Variants in SUCLG2 observed in about 807,000 individuals in gnomAD.
SUCLG2 encodes the protein succinate-CoA ligase GDP-forming subunit beta.
In SUCLG2, 42 loss-of-function variants were observed where a neutral mutation model predicts 47.9. The ratio of observed to expected loss-of-function variants is 0.88; its 90% CI spans 0.69 to 1.14. The LOEUF is 1.14. Ranked by LOEUF, SUCLG2 falls within the 50% of genes most tolerant of loss-of-function variation. The pLI, the probability that SUCLG2 is intolerant of heterozygous loss-of-function variation, is 0.00. For synonymous variants in SUCLG2, 195 were observed against 197.3 expected (o/e 0.99, Z 0.10); for missense variants, 571 against 525.9 (o/e 1.09, Z -0.84).
intron 9 of SUCLG2, among the ~76,000 whole-genome samples, chr3:67,487,517 CAA>C (rs1491405461): frequency 3.3e-5 from 5 of 151,490 alleles, no homozygotes; most frequent in Non-Finnish European, 5.9e-5. Flanking sequence ...CACACACACA[CAA>C]ACACACACAC....
intron 10 of SUCLG2, among the ~76,000 whole-genome samples, chr3:67,397,085 T>G (rs1417717552): frequency 2.6e-5 from 4 of 151,062 alleles, no homozygotes; most frequent in Non-Finnish European, 5.9e-5. Context: ...GGGCAAAAAC[T>G]GGAAGCATTC....
At chr3:67,460,424 T>C (rs1704303520) in intron 9 of SUCLG2, among the ~76,000 whole-genome samples, 1 of 152,216 alleles carries the variant, frequency 6.6e-6, no homozygotes, top group African/African-American at 2.4e-5. Context: ...CTCATCAATC[T>C]TCACATCAAC....
At chr3:67,477,424 G>C (rs1180595495) in intron 9 of SUCLG2, among the ~76,000 whole-genome samples, 1 of 152,188 alleles carries the variant, frequency 6.6e-6, no homozygotes, top group Admixed American at 6.5e-5. Context: ...GCTGGGTGTG[G>C]TTGCTCATGC....
chr3:67,593,867 T>C (rs1371938177), intron 2 of SUCLG2, among the ~76,000 whole-genome samples: 2 of 152,150 alleles, frequency 1.3e-5, no homozygotes, highest in African/African-American at 4.8e-5. Flanking sequence ...CCTGGATCCA[T>C]GCCATTTTCC....
At chr3:67,493,351 T>C (rs1296409827) in intron 9 of SUCLG2, among the ~76,000 whole-genome samples, 1 of 152,190 alleles carries the variant, frequency 6.6e-6, no homozygotes, top group Admixed American at 6.5e-5. Context: ...TGATATAGCA[T>C]GAGAAAAATA....
At chr3:67,637,779 G>A (rs536369174) in intron 1 of SUCLG2, among the ~76,000 whole-genome samples, 2 of 152,118 alleles carry the variant, frequency 1.3e-5, no homozygotes, top group South Asian at 4.1e-4. Context: ...TTCAGAAAGG[G>A]AGCATCCATG....
intron 2 of SUCLG2, among the ~76,000 whole-genome samples, chr3:67,531,328 ATT>A (rs1706398515): frequency 6.6e-6 from 1 of 152,148 alleles, no homozygotes; most frequent in Non-Finnish European, 1.5e-5. Flanking sequence ...TGCCATTATC[ATT>A]TTTCATATCC....
intron 2 of SUCLG2, among the ~76,000 whole-genome samples, chr3:67,593,395 A>C (rs17046689): frequency 0.058 from 8,786 of 151,480 alleles, 399 homozygotes; most frequent in African/African-American, 0.12. Context: ...GGTCTAACAC[A>C]TATAACACAT....
At chr3:67,561,017 A>C (rs1707294294) in intron 2 of SUCLG2, among the ~76,000 whole-genome samples, 2 of 147,984 alleles carry the variant, frequency 1.4e-5, no homozygotes, top group Admixed American at 6.9e-5. Context: ...GCAATTGTGT[A>C]CTTTGCTCAT....
intron 2 of SUCLG2, among the ~76,000 whole-genome samples, chr3:67,539,628 G>T (rs936450697): frequency 1.3e-5 from 2 of 152,160 alleles, no homozygotes; most frequent in Non-Finnish European, 2.9e-5. Context: ...AGTTTCAGAA[G>T]GAATGGTACC....
Position 67,375,373 on chromosome 3 carries a change from C to T in SUCLG2, c.*371G>A. On this transcript the variant is annotated 3_prime_UTR_variant, in exon 11 of 11. Transcript: ENST00000307227. ...TTTTAAATGGTCTGTTTTTCTTTTT[C>T]ATTATGTAGGATTAGATGCCCACCA... 1.0e-6 allele frequency: 1 copy of T among 988,934 alleles called. No homozygotes were observed. The highest frequency in any genetic ancestry group is 1.1e-4 in the East Asian group (1 of 9,050). 61.3% of individuals were successfully genotyped at this position (988,934 alleles called of 1,614,324 possible).
At chr3:67,539,590 G>A (rs1198059197) in intron 2 of SUCLG2, among the ~76,000 whole-genome samples, 8 of 152,274 alleles carry the variant, frequency 5.3e-5, no homozygotes, top group Non-Finnish European at 1.2e-4. Flanking sequence ...AGTTAGGGAC[G>A]AGTCCCTCCT....
chr3:67,568,522 A>G (rs946741303), intron 2 of SUCLG2, among the ~76,000 whole-genome samples: 5 of 152,218 alleles, frequency 3.3e-5, no homozygotes, highest in Non-Finnish European at 7.3e-5. Flanking sequence ...AAGCATAAGT[A>G]TTTTCTGAAC....
At chr3:67,523,310 T>C (rs148683004) in intron 4 of SUCLG2, among the ~76,000 whole-genome samples, 5,320 of 152,280 alleles carry the variant, frequency 0.035, 141 homozygotes, top group Middle Eastern at 0.12. Context: ...AAATAAAATA[T>C]ATAGGTCTTC....
chr3:67,531,644 C>T (rs944649619), intron 2 of SUCLG2, among the ~76,000 whole-genome samples: 1 of 152,148 alleles, frequency 6.6e-6, no homozygotes, highest in Non-Finnish European at 1.5e-5. Flanking sequence ...ACAACCTACG[C>T]ACATCTGCAA....
chr3:67,582,866 C>G (rs1489900960), intron 2 of SUCLG2, among the ~76,000 whole-genome samples: 1 of 151,716 alleles, frequency 6.6e-6, no homozygotes, highest in Admixed American at 6.6e-5. Flanking sequence ...ATTCCCCTCC[C>G]CCACCAAAAA....
intron 1 of SUCLG2, among the ~76,000 whole-genome samples, chr3:67,640,505 G>A (rs758289516): frequency 1.6e-4 from 24 of 152,164 alleles, no homozygotes; most frequent in South Asian, 8.3e-4. Context: ...AATCCACTAC[G>A]ATTCTTCCTA....
intron 9 of SUCLG2, among the ~76,000 whole-genome samples, chr3:67,466,931 T>A (rs1031153133): frequency 7.9e-5 from 12 of 152,252 alleles, no homozygotes; most frequent in African/African-American, 2.9e-4. Flanking sequence ...CTTTCTCACA[T>A]AAATCCTTGA....
intron 2 of SUCLG2, among the ~76,000 whole-genome samples, chr3:67,570,716 C>T (rs1707584066): frequency 6.6e-6 from 1 of 152,172 alleles, no homozygotes; most frequent in Non-Finnish European, 1.5e-5. Context: ...TACAGTTACA[C>T]ATTAACGACA....
Sources: allele counts gnomAD v4.1 joint callset (sites outside exome capture counted in the v4.1 genomes callset), GRCh38; gene constraint gnomAD v4.1.1; transcripts MANE v1.5; gene names NCBI Gene and HGNC (gene_info 2026-07-23, HGNC 2026-07-21).